Variants in CACNA2D4 observed in about 807,000 individuals in gnomAD.
CACNA2D4 encodes voltage-dependent calcium channel subunit alpha-2/delta-4.
Under a neutral mutation model 163.8 loss-of-function variants are expected in CACNA2D4, and 157 were observed. The observed-to-expected ratio is 0.96, with a 90% CI of 0.84 to 1.09. The LOEUF is 1.09. Among genes scored for constraint, CACNA2D4 ranks in the 50% least tolerant of loss-of-function variants. The pLI, the probability that CACNA2D4 is intolerant of heterozygous loss-of-function variation, is 0.00. For synonymous variants in CACNA2D4, 598 were observed against 586.9 expected (o/e 1.02, Z -0.27); for missense variants, 1,410 against 1,479.9 (o/e 0.95, Z 0.78).
rs182878439 is a variant in CACNA2D4, at chr12:1,833,149, T to C, written c.2551+7590A>G. 1.3e-5 allele frequency among the ~76,000 whole-genome samples: 2 copies of C among 152,334 alleles called. No individual in the cohort carries two copies. The highest frequency in any genetic ancestry group is 4.8e-5 in the African/African-American group (2 of 41,580). On this transcript the variant is annotated intron_variant, in intron 26 of 37. Coordinates refer to ENST00000382722, the MANE Select transcript of CACNA2D4 (RefSeq NM_172364.5). The surrounding 1 kb of genome is among the most constrained non-coding windows in gnomAD (Gnocchi z 4.2). Reference sequence around the variant, plus strand: ...TTCAATAGCGGAGTTGCTTTCAACATTGCATTTCTTAAAAACAAAATCCTG... The same window carrying C: ...TTCAATAGCGGAGTTGCTTTCAACACTGCATTTCTTAAAAACAAAATCCTG...
At chr12:1,817,639 A>G (rs1863921563) in intron 26 of CACNA2D4, among the ~76,000 whole-genome samples, 1 of 152,110 alleles carries the variant, frequency 6.6e-6, no homozygotes, top group African/African-American at 2.4e-5. Flanking sequence ...GTGCGCCGCC[A>G]CGCCTGACTG....
intron 18 of CACNA2D4, among the ~76,000 whole-genome samples, chr12:1,871,947 T>C (rs963536381): frequency 6.6e-5 from 10 of 152,262 alleles, no homozygotes; most frequent in African/African-American, 2.4e-4. Flanking sequence ...CAGGACACTT[T>C]GCTCTTCTGC....
In CACNA2D4 at chr12:1,860,118, C is replaced by T. The variant is rs184994356; in HGVS notation, c.1940+27G>A. 1.2e-4 allele frequency: 198 copies of T among 1,588,214 alleles called. 1 individual carries two copies. Among genetic ancestry groups the T allele is most frequent in the Admixed American group, 2.5e-4 (15 of 59,960 alleles). ...TGGTATTCATGTTCAACCCTCACCC[C>T]GTGCAAATAAAGCCTGTGTCCCTCA... On this transcript the variant is annotated intron_variant, in intron 19 of 37. Coordinates refer to ENST00000382722, the MANE Select transcript of CACNA2D4 (RefSeq NM_172364.5).
intron 6 of CACNA2D4, among the ~76,000 whole-genome samples, chr12:1,905,833 A>T (rs1393758462): frequency 6.6e-6 from 1 of 152,190 alleles, no homozygotes; most frequent in East Asian, 1.9e-4. Flanking sequence ...AGAGAAACTC[A>T]TTCTAAAATT....
At chr12:1,842,095 T>C (rs1044173585) in intron 25 of CACNA2D4, among the ~76,000 whole-genome samples, 13 of 152,152 alleles carry the variant, frequency 8.5e-5, no homozygotes, top group African/African-American at 2.7e-4. Context: ...GAAACGCAGA[T>C]GTGAGCATGT....
At chr12:1,858,074 C>T (rs761576014) in intron 20 of CACNA2D4, among the ~76,000 whole-genome samples, 10 of 152,176 alleles carry the variant, frequency 6.6e-5, no homozygotes, top group African/African-American at 1.7e-4. Context: ...GTGGGGAGCA[C>T]GGCCTTTCCA....
chr12:1,916,772 A>G (rs554015118), intron 1 of CACNA2D4, among the ~76,000 whole-genome samples: 1 of 152,296 alleles, frequency 6.6e-6, no homozygotes, highest in African/African-American at 2.4e-5. Flanking sequence ...CTGTGGAAAC[A>G]GACTTGGGAG....
chr12:1,837,380 C>T (rs578215763), intron 26 of CACNA2D4, among the ~76,000 whole-genome samples: 44 of 152,212 alleles, frequency 2.9e-4, no homozygotes, highest in African/African-American at 1.0e-3. Context: ...GGTGAAGCCT[C>T]CACGGGGCTC....
intron 26 of CACNA2D4, among the ~76,000 whole-genome samples, chr12:1,821,201 G>T (rs1160146277): frequency 6.6e-6 from 1 of 152,224 alleles, no homozygotes; most frequent in Non-Finnish European, 1.5e-5. Context: ...AGAAACTCGG[G>T]GGTCATGGGA....
Position 1,800,440 on chromosome 12 carries a change from T to C in CACNA2D4, c.2869-2A>G. On this transcript the variant is annotated splice_acceptor_variant, in intron 31 of 37. Coordinates refer to ENST00000382722, the MANE Select transcript of CACNA2D4 (RefSeq NM_172364.5). LOFTEE classifies it high-confidence loss of function. ...CGCCGTCAAGAAGGCAGAAATTGGCTGGGAAGGAGAGAGTGCACACCGCTC... is the reference window on the plus strand; with the variant it reads ...CGCCGTCAAGAAGGCAGAAATTGGCCGGGAAGGAGAGAGTGCACACCGCTC... The C allele has an allele frequency of 1.2e-6, 2 of 1,613,404 alleles. No homozygotes were observed. The highest frequency in any genetic ancestry group is 1.7e-6 in the Non-Finnish European group (2 of 1,179,730).
At chr12:1,908,122 G>C (rs1465946026) in intron 4 of CACNA2D4, 85 bp from the exon 5 acceptor site, 2 of 1,389,666 alleles carry the variant, frequency 1.4e-6, no homozygotes, top group African/African-American at 1.4e-5. Flanking sequence ...GCAGGTGAGA[G>C]GACGAGAGGG....
At chr12:1,823,204 G>A (rs1285728878) in intron 26 of CACNA2D4, 3 of 152,598 alleles carry the variant, frequency 2.0e-5, no homozygotes, top group African/African-American at 7.2e-5. Flanking sequence ...CTGGCTGTGT[G>A]TCTTGGATGC....
intron 29 of CACNA2D4, 96 bp from the exon 30 acceptor site, chr12:1,801,740 G>T: frequency 1.2e-6 from 1 of 801,114 alleles, no homozygotes; most frequent in Non-Finnish European, 1.9e-6. Flanking sequence ...TCAGGTCGAG[G>T]CTTTTGGTGC....
chr12:1,907,821 G>A, intron 5 of CACNA2D4, 54 bp downstream of exon 5: 1 of 1,595,436 alleles, frequency 6.3e-7, no homozygotes, highest in Non-Finnish European at 8.6e-7. Context: ...TGTCTGGTGG[G>A]TGTGCTAGGT....
intron 18 of CACNA2D4, among the ~76,000 whole-genome samples, chr12:1,864,699 G>T (rs544584843): frequency 2.8e-4 from 42 of 152,336 alleles, no homozygotes; most frequent in African/African-American, 1.0e-3. Context: ...ACGCTCCTCC[G>T]CAGATCCGAA....
rs559754440 is a variant in CACNA2D4, at chr12:1,806,411, C to T, written c.2721+3867G>A. On this transcript the variant is annotated intron_variant, in intron 29 of 37. Coordinates refer to ENST00000382722, the MANE Select transcript of CACNA2D4 (RefSeq NM_172364.5). The surrounding 1 kb of genome is among the most constrained non-coding windows in gnomAD (Gnocchi z 4.1). ...GAACACCGCCGGTGCCAAGAAAGAG[C>T]CAAGCAGCCACTCCCTGGGGCTGGC... 6.6e-6 allele frequency among the ~76,000 whole-genome samples: 1 copy of T among 152,278 alleles called. No homozygotes were observed. The highest frequency in any genetic ancestry group is 1.9e-4 in the East Asian group (1 of 5,172).
At chr12:1,879,523 G>A (rs73032438) in intron 14 of CACNA2D4, among the ~76,000 whole-genome samples, 25,978 of 152,080 alleles carry the variant, frequency 0.17, 3,340 homozygotes, top group African/African-American at 0.36. Flanking sequence ...GAAACCCTCC[G>A]GTCTTATATC....
Position 1,868,021 on chromosome 12 carries a change from G to A in CACNA2D4, c.1878+6583C>T, listed in dbSNP as rs539949704. 2.4e-3 allele frequency among the ~76,000 whole-genome samples: 364 copies of A among 152,322 alleles called. 2 individuals are homozygous for A. Among genetic ancestry groups the A allele is most frequent in the Non-Finnish European group, 4.4e-3 (300 of 68,018 alleles). On this transcript the variant is annotated intron_variant, in intron 18 of 37. Transcript: ENST00000382722. Reference sequence around the variant, plus strand: ...ACCTTTGTACACTGTTGGTGGGAATGTAGGTTGGTGCAACCACTGTGGAAA... The same window carrying A: ...ACCTTTGTACACTGTTGGTGGGAATATAGGTTGGTGCAACCACTGTGGAAA...
At chr12:1,801,736 C>G (rs972025570) in intron 29 of CACNA2D4, 92 bp from the exon 30 acceptor site, 1 of 890,606 alleles carries the variant, frequency 1.1e-6, no homozygotes, top group African/African-American at 1.7e-5. Flanking sequence ...CAGCTCAGGT[C>G]GAGGCTTTTG....
Sources: allele counts gnomAD v4.1 joint callset (sites outside exome capture counted in the v4.1 genomes callset), GRCh38; gene constraint gnomAD v4.1.1; non-coding constraint Gnocchi (gnomAD v3.1); transcripts MANE v1.5; gene names NCBI Gene and HGNC (gene_info 2026-07-23, HGNC 2026-07-21).